The following ANK3 variants were observed in gnomAD, a reference collection of about 807,000 sequenced individuals.
ANK3 encodes the protein ankyrin 3, also known as ankyrin-3.
ANK3 carries 57 observed loss-of-function variants against 370.9 expected under a neutral mutation model. That is an observed-to-expected ratio of 0.15 (90% CI 0.12 to 0.19). ANK3 has a LOEUF of 0.19. Ranked by LOEUF, ANK3 falls within the 10% of genes least tolerant of loss-of-function variation. ANK3 has a pLI of 1.00. For missense variants in ANK3, 4,439 were observed against 5,302.1 expected (o/e 0.84, Z 5.06); for synonymous variants, 1,929 against 1,946.3 (o/e 0.99, Z 0.23).
chr10:60,424,729 T>C (rs774508080), intron 2 of ANK3, among the ~76,000 whole-genome samples: 1 of 152,056 alleles, frequency 6.6e-6, no homozygotes, highest in Non-Finnish European at 1.5e-5. Flanking sequence ...CTGAAAATGA[T>C]TTTTATCACA....
At chr10:60,493,372 T>C (rs539385160) in intron 2 of ANK3, among the ~76,000 whole-genome samples, 6 of 151,730 alleles carry the variant, frequency 4.0e-5, no homozygotes, top group Admixed American at 2.6e-4. Flanking sequence ...ATGCTTAAGA[T>C]AGAAACAGTA....
chr10:60,029,990 A>G lies in ANK3; in HGVS notation c.*20-164T>C, dbSNP rs372768383. 1.6e-4 allele frequency among the ~76,000 whole-genome samples: 24 copies of G among 146,290 alleles called. No individual in the cohort carries two copies. In the East Asian group the frequency reaches 2.2e-3, roughly 13 times the overall value. On this transcript the variant is annotated intron_variant, in intron 43 of 43. Coordinates refer to ENST00000280772, the MANE Select transcript of ANK3 (RefSeq NM_020987.5). Reference sequence around the variant, plus strand: ...CCTCCATTCCCTATGGGGTGGTTTAACATGATGCTGCTACCTGCTAGATGC... The same window carrying G: ...CCTCCATTCCCTATGGGGTGGTTTAGCATGATGCTGCTACCTGCTAGATGC...
Position 60,269,381 on chromosome 10 carries a change from C to A in ANK3, c.513+750G>T, listed in dbSNP as rs565093925. 1.1e-3 allele frequency among the ~76,000 whole-genome samples: 170 copies of A among 152,214 alleles called. 1 individual carries two copies. Among genetic ancestry groups the A allele is most frequent in the Admixed American group, 2.5e-3 (38 of 15,270 alleles). On this transcript the variant is annotated intron_variant, in intron 5 of 43. Coordinates refer to ENST00000280772, the MANE Select transcript of ANK3 (RefSeq NM_020987.5). ...ATAGTTTTGGCTGGGCGTGGTGGCT[C>A]ACACTTGTAATCCCAGCACTTTGAG... is the stretch of plus-strand genomic sequence containing the variant.
At chr10:60,141,561 GTTTTTTTTTT>G (rs36033791) in intron 23 of ANK3, among the ~76,000 whole-genome samples, 6 of 49,044 alleles carry the variant, frequency 1.2e-4, no homozygotes, top group African/African-American at 2.8e-4. Flanking sequence ...TTCAATTGCT[GTTTTTTTTTT>G]TTTTTTTTTT....
intron 38 of ANK3, among the ~76,000 whole-genome samples, chr10:60,064,672 GCAACAACAA>G (rs56412726): frequency 6.8e-6 from 1 of 146,102 alleles, no homozygotes; most frequent in African/African-American, 2.5e-5. Flanking sequence ...CATACACACA[GCAACAACAA>G]CAACAACAAC....
At chr10:60,701,038 T>C (rs759180640) in intron 1 of ANK3, among the ~76,000 whole-genome samples, 1 of 152,072 alleles carries the variant, frequency 6.6e-6, no homozygotes, top group Non-Finnish European at 1.5e-5. Context: ...GAAGGGATTA[T>C]TTGTTATACA....
At chr10:60,164,379 G>T (rs2095569033) in intron 23 of ANK3, among the ~76,000 whole-genome samples, 1 of 151,718 alleles carries the variant, frequency 6.6e-6, no homozygotes, top group Non-Finnish European at 1.5e-5. Context: ...AAAATATTGT[G>T]TTCAGTTCTG....
At chr10:60,053,076 T>C (rs781353857) in intron 42 of ANK3, among the ~76,000 whole-genome samples, 1 of 152,160 alleles carries the variant, frequency 6.6e-6, no homozygotes, top group Non-Finnish European at 1.5e-5. Context: ...TTACAAGGAG[T>C]AAGAACTTGA....
At chr10:60,305,608 C>T (rs921868443) in intron 1 of ANK3, among the ~76,000 whole-genome samples, 16 of 152,226 alleles carry the variant, frequency 1.1e-4, no homozygotes, top group African/African-American at 3.4e-4. Context: ...GTCTTCCCCA[C>T]TCCAGGATAA....
In ANK3 at chr10:60,411,040, G is replaced by A. The variant is rs191085542; in HGVS notation, c.97-131401C>T. ...CCTGGCTTTTGACCCAGCTACCAAGGATCCACTGGGGGAACTCCAAGGAAC... is the reference window on the plus strand; with the variant it reads ...CCTGGCTTTTGACCCAGCTACCAAGAATCCACTGGGGGAACTCCAAGGAAC... On this transcript the variant is annotated intron_variant, in intron 2 of 43. Transcript: ENST00000373827. 2.1e-3 allele frequency among the ~76,000 whole-genome samples: 314 copies of A among 152,192 alleles called. 1 individual carries two copies. Among genetic ancestry groups the A allele is most frequent in the African/African-American group, 7.2e-3 (301 of 41,538 alleles).
chr10:60,093,045 A>C (rs746413541), intron 28 of ANK3, among the ~76,000 whole-genome samples: 1 of 152,230 alleles, frequency 6.6e-6, no homozygotes, highest in Admixed American at 6.5e-5. Flanking sequence ...CAGAATTTTT[A>C]AAAAGAAAGT....
chr10:60,482,504 T>C (rs116362343), intron 2 of ANK3, among the ~76,000 whole-genome samples: 3,621 of 152,268 alleles, frequency 0.024, 151 homozygotes, highest in African/African-American at 0.083. Flanking sequence ...CATTTTTTTT[T>C]TAAGACAGAG....
intron 7 of ANK3, among the ~76,000 whole-genome samples, chr10:60,238,429 G>A (rs543811264): frequency 4.6e-5 from 7 of 152,274 alleles, no homozygotes; most frequent in Non-Finnish European, 1.0e-4. Flanking sequence ...ACAGGGCAGA[G>A]TTTGGCTGCT....
rs1389251004 is a variant in ANK3 at position 60,139,213 on chromosome 10, T to C, written c.2615-126A>G. ...CTCATATTCACCTTCCCCTATCACCTGGATAATTTTTGAAACTCTCATTTA... is the reference window on the plus strand; with the variant it reads ...CTCATATTCACCTTCCCCTATCACCCGGATAATTTTTGAAACTCTCATTTA... On this transcript the variant is annotated intron_variant, in intron 23 of 43. Coordinates refer to ENST00000280772, the MANE Select transcript of ANK3 (RefSeq NM_020987.5). 4 of 1,173,548 alleles carry C rather than the reference T, an allele frequency of 3.4e-6. No individual in the cohort carries two copies. The African/African-American group carries it at 6.2e-5, about 18-fold the overall frequency. 72.7% of individuals were successfully genotyped at this position (1,173,548 alleles called of 1,614,324 possible).
At chr10:60,255,908 G>T (rs1243234374) in intron 7 of ANK3, among the ~76,000 whole-genome samples, 2 of 152,202 alleles carry the variant, frequency 1.3e-5, no homozygotes, top group African/African-American at 2.4e-5. Context: ...CCCAGAGGTG[G>T]TTAAGAGGCC....
intron 8 of ANK3, among the ~76,000 whole-genome samples, chr10:60,223,716 C>T (rs1022144174): frequency 1.3e-5 from 2 of 152,004 alleles, no homozygotes; most frequent in African/African-American, 4.8e-5. Context: ...ATTAAAATAC[C>T]TTATTTTTCC....
At chr10:60,084,902 T>A in intron 31 of ANK3, 72 bp from the exon 32 acceptor site, 1 of 1,172,464 alleles carries the variant, frequency 8.5e-7, no homozygotes, top group Non-Finnish European at 1.2e-6. Flanking sequence ...GACTCACAAT[T>A]AAAAAAATCA....
chr10:60,365,010 T>C (rs1198309433), intron 1 of ANK3, among the ~76,000 whole-genome samples: 4 of 150,876 alleles, frequency 2.7e-5, no homozygotes, highest in East Asian at 3.9e-4. Context: ...TTTCAAGGAA[T>C]GAAAAACACA....
At chr10:60,577,424 T>A (rs1458447143) in intron 2 of ANK3, among the ~76,000 whole-genome samples, 3 of 152,120 alleles carry the variant, frequency 2.0e-5, no homozygotes, top group African/African-American at 7.2e-5. Context: ...AATTCCCACC[T>A]GTTGTGGGAG....
Sources: gnomAD v4.1 joint callset for allele counts (sites outside exome capture counted in the v4.1 genomes callset) on GRCh38, gnomAD v4.1.1 for gene constraint, MANE v1.5 for transcripts, NCBI Gene and HGNC (gene_info 2026-07-23, HGNC 2026-07-21) for gene names.